Variants in EFNA1 observed in about 807,000 individuals in gnomAD.
The protein encoded by EFNA1 is ephrin-A1.
EFNA1 carries 8 observed loss-of-function variants against 23.2 expected under a neutral mutation model. That is an observed-to-expected ratio of 0.34 (90% CI 0.20 to 0.62). The LOEUF (loss-of-function observed/expected upper bound fraction) is 0.62, where lower values mean the gene tolerates loss of function less well. Among genes scored for constraint, EFNA1 ranks in the 20% least tolerant of loss-of-function variants. The pLI, the probability that EFNA1 is intolerant of heterozygous loss-of-function variation, is 0.75. For missense variants in EFNA1, 217 were observed against 260.0 expected (o/e 0.83, Z 1.14); for synonymous variants, 89 against 98.6 (o/e 0.90, Z 0.58).
chr1:155,131,260 A>G, intron 1 of EFNA1, 79 bp from the exon 2 acceptor site: 2 of 1,515,056 alleles, frequency 1.3e-6, no homozygotes, highest in Non-Finnish European at 1.8e-6. Context: ...GTGAGAGGTC[A>G]TGTAAACATT....
At chr1:155,133,018 C>G (rs1029512566) in intron 2 of EFNA1, among the ~76,000 whole-genome samples, 2 of 151,840 alleles carry the variant, frequency 1.3e-5, no homozygotes, top group Non-Finnish European at 2.9e-5. Context: ...TCAATTGATT[C>G]TTCTGCCTCA....
intron 1 of EFNA1, chr1:155,130,461 G>GGAGGAGGGGA (rs1224479285): frequency 3.1e-6 from 3 of 963,848 alleles, no homozygotes; most frequent in African/African-American, 1.8e-5. Flanking sequence ...CTCCACCTTG[G>GGAGGAGGGGA]GAGGAGGGGA....
In EFNA1 at chr1:155,131,468, T is replaced by C; in HGVS notation, c.222T>C (p.His74=). 6.2e-7 allele frequency: 1 copy of C among 1,613,922 alleles called. No individual in the cohort carries two copies. Among genetic ancestry groups the C allele is most frequent in the African/African-American group, 1.3e-5 (1 of 75,016 alleles). The change falls in exon 2 of 5, where the codon CAT becomes CAC. Residue 74 remains histidine, a synonymous_variant. Coordinates refer to ENST00000368407, the MANE Select transcript of EFNA1 (RefSeq NM_004428.3). ...AGTACATACTGTACCTGGTGGAGCA[T>C]GAGGAGTACCAGCTGTGCCAGCCCC... ...MEQYILYLVE[H]EEYQLCQPQS...
At position 155,133,716 on chromosome 1, in the gene EFNA1, C is replaced by T; in HGVS notation, c.455-14C>T. 1 of 1,614,088 alleles carries T rather than the reference C, an allele frequency of 6.2e-7. No individual in the cohort carries two copies. Among genetic ancestry groups the T allele is most frequent in the Non-Finnish European group, 8.5e-7 (1 of 1,179,970 alleles). ...TGATACAGTACCTGATCTACTACCA[C>T]TCTTGTCTTTCAGCTCACAGTCCTC... is the stretch of plus-strand genomic sequence containing the variant. On this transcript the variant is annotated splice_polypyrimidine_tract_variant and intron_variant, in intron 3 of 4. Transcript: ENST00000368407.
At position 155,133,938 on chromosome 1, in the gene EFNA1, G is replaced by A. The variant is rs1664307538; in HGVS notation, c.506-17G>A. 4 of 1,613,128 alleles carry A rather than the reference G, an allele frequency of 2.5e-6. No individual in the cohort carries two copies. Among genetic ancestry groups the A allele is most frequent in the Non-Finnish European group, 3.4e-6 (4 of 1,179,476 alleles). On this transcript the variant is annotated splice_polypyrimidine_tract_variant and intron_variant, in intron 4 of 4. Transcript: ENST00000368407. Reference sequence around the variant, plus strand: ...GGAGCCACTCACACTGGTGGCCTTTGCCCTCTCACCTTGCAGATGACCCAG... The same window carrying A: ...GGAGCCACTCACACTGGTGGCCTTTACCCTCTCACCTTGCAGATGACCCAG...
chr1:155,128,829 G>A (rs954084157), intron 1 of EFNA1, among the ~76,000 whole-genome samples: 1 of 152,180 alleles, frequency 6.6e-6, no homozygotes, highest in African/African-American at 2.4e-5. Flanking sequence ...AAATGGTACT[G>A]GGAGGAAGAC....
At position 155,134,596 on chromosome 1, in the gene EFNA1, A is replaced by G. The variant is rs1664335123; in HGVS notation, c.*529A>G. ...GTGGAGCTGCCACAGAGAAGTTTGT[A>G]GCCAGGTACTGCATTCTCTCCCATC... On this transcript the variant is annotated 3_prime_UTR_variant, in exon 5 of 5. Transcript: ENST00000368407. 1 of 185,672 alleles carries G rather than the reference A, an allele frequency of 5.4e-6. No individual in the cohort carries two copies. The highest frequency in any genetic ancestry group is 1.4e-4 in the East Asian group (1 of 7,188). The allele number at this position is 185,672 out of a possible 1,614,324, so 11.5% of individuals were successfully genotyped here.
chr1:155,131,592 C>T lies in EFNA1; in HGVS notation c.346C>T (p.Leu116=), dbSNP rs1180343209. 5 of 1,613,648 alleles carry T rather than the reference C, an allele frequency of 3.1e-6. No individual in the cohort carries two copies. In the African/African-American group the frequency reaches 6.7e-5, roughly 22 times the overall value. The change falls in exon 2 of 5, where the codon CTG becomes TTG. Residue 116 remains leucine, a synonymous_variant. Transcript: ENST00000368407. The part of the protein sequence containing the change: ...EKFQRFTPFT[L]GKEFKEGHSY... Reference sequence around the variant, plus strand: ...GTTCCAGCGCTTCACACCTTTCACCCTGGGCAAGGAGTTCAAAGAAGGACA... The same window carrying T: ...GTTCCAGCGCTTCACACCTTTCACCTTGGGCAAGGAGTTCAAAGAAGGACA...
At chr1:155,129,621 C>CA (rs35520715) in intron 1 of EFNA1, 7,618 of 153,160 alleles carry the variant, frequency 0.05, 247 homozygotes, top group Middle Eastern at 0.089. Context: ...AAGCTGGGCC[C>CA]AGCGTGGGGG....
Position 155,127,945 on chromosome 1 carries a change from G to A in EFNA1, c.-33G>A. On this transcript the variant is annotated 5_prime_UTR_variant, in exon 1 of 5. Transcript: ENST00000368407. The surrounding 1 kb of genome is among the most constrained non-coding windows in gnomAD (Gnocchi z 4.4). ...GGGAACCCAGACCCATAGGAGACCC[G>A]CGTCCCCGCTCGGCCTGGCCAGGCC... 2 of 1,583,318 alleles carry A rather than the reference G, an allele frequency of 1.3e-6. No homozygotes were observed. Among genetic ancestry groups the A allele is most frequent in the African/African-American group, 2.7e-5 (2 of 74,544 alleles).
In EFNA1 at chr1:155,133,554, T is replaced by C. The variant is rs991598289; in HGVS notation, c.440T>C (p.Val147Ala). Residue 147 changes from valine to alanine, a missense_variant, in exon 3 of 5, where the codon GTC (valine) becomes GCC (alanine). Physicochemically the swap from Val to Ala is moderately conservative, Grantham distance 64. Coordinates refer to ENST00000368407, the MANE Select transcript of EFNA1 (RefSeq NM_004428.3). ...CGCTGCTTGAGGTTGAAGGTGACTG[T>C]CAGTGGCAAAATCAGTGAGTGTCAG... The part of the protein sequence containing the change: ...EDRCLRLKVT[V>A]SGKITHSPQA... 1 of 1,613,824 alleles carries C rather than the reference T, an allele frequency of 6.2e-7. No homozygotes were observed. The highest frequency in any genetic ancestry group is 1.3e-5 in the African/African-American group (1 of 74,850).
chr1:155,133,448 TAC>T (rs2102472600), intron 2 of EFNA1, 53 bp from the exon 3 acceptor site: 2 of 1,600,850 alleles, frequency 1.2e-6, no homozygotes, highest in East Asian at 4.5e-5. Context: ...CATTTGGACT[TAC>T]ATTTTCTTCC....
Position 155,134,413 on chromosome 1 carries a change from G to T in EFNA1, c.*346G>T, listed in dbSNP as rs921556380. Reference sequence around the variant, plus strand: ...CTGAGCTGGAAGGGGCCACGTGGATGGGCAAAGCTTGTCAAAGATGCCCCC... The same window carrying T: ...CTGAGCTGGAAGGGGCCACGTGGATTGGCAAAGCTTGTCAAAGATGCCCCC... On this transcript the variant is annotated 3_prime_UTR_variant, in exon 5 of 5. Coordinates refer to ENST00000368407, the MANE Select transcript of EFNA1 (RefSeq NM_004428.3). 6.1e-6 allele frequency: 2 copies of T among 325,316 alleles called. No homozygotes were observed. Among genetic ancestry groups the T allele is most frequent in the Non-Finnish European group, 1.2e-5 (2 of 170,436 alleles). The allele number at this position is 325,316 out of a possible 1,614,324, so 20.2% of individuals were successfully genotyped here. A position where few individuals can be genotyped will look rare whatever the true frequency, so the allele number is the denominator to read the frequency against.
intron 4 of EFNA1, 70 bp downstream of exon 4, chr1:155,133,850 G>C: frequency 6.2e-7 from 1 of 1,603,268 alleles, no homozygotes; most frequent in Non-Finnish European, 8.5e-7. Flanking sequence ...GGTACAGGAG[G>C]TGGCTCCTTT....
intron 1 of EFNA1, chr1:155,130,442 G>C: frequency 4.4e-6 from 4 of 914,724 alleles, no homozygotes; most frequent in Non-Finnish European, 5.2e-6. Context: ...ACTAGGGGAG[G>C]GGTGCTGGCT....
At chr1:155,128,111 G>A in intron 1 of EFNA1, 42 bp downstream of exon 1, 1 of 1,566,008 alleles carries the variant, frequency 6.4e-7, no homozygotes, top group Non-Finnish European at 8.8e-7. Flanking sequence ...GCTCCCGGCT[G>A]GCACTACCCC....
Position 155,131,322 on chromosome 1 carries a change from CCT to C in EFNA1, c.93-16_93-15del, listed in dbSNP as rs75434260. 8,848 of 1,594,960 alleles carry C rather than the reference CCT, an allele frequency of 5.5e-3. 33 individuals are homozygous for C. The highest frequency in any genetic ancestry group is 0.014 in the Middle Eastern group (82 of 5,788). On this transcript the variant is annotated splice_polypyrimidine_tract_variant and intron_variant, in intron 1 of 4. Transcript: ENST00000368407. ...TCTGAATGACCACCTGCTTCTTCCC[CCT>C]GTGTGTGTCCCCAGGTTCCGGAATG... is the stretch of plus-strand genomic sequence containing the variant.
At chr1:155,130,494 A>AGG in intron 1 of EFNA1, 1 of 956,368 alleles carries the variant, frequency 1.0e-6, no homozygotes, top group Non-Finnish European at 1.2e-6. Flanking sequence ...GGGGGAGAGG[A>AGG]GGAGAGAGGG....
At chr1:155,133,419 G>A (rs900730782) in intron 2 of EFNA1, 84 bp from the exon 3 acceptor site, 15 of 1,471,922 alleles carry the variant, frequency 1.0e-5, no homozygotes, top group Non-Finnish European at 1.4e-5. Context: ...GTAGGGAGCT[G>A]AGAAAGCAGG....
Sources: gnomAD v4.1 joint callset for allele counts (sites outside exome capture counted in the v4.1 genomes callset) on GRCh38, gnomAD v4.1.1 for gene constraint, Gnocchi (gnomAD v3.1) non-coding constraint, MANE v1.5 for transcripts, NCBI Gene and HGNC (gene_info 2026-07-23, HGNC 2026-07-21) for gene names.